FAM227B: variants seen among roughly 807,000 people sequenced by gnomAD.
The protein encoded by FAM227B is family with sequence similarity 227 member B, also known as protein FAM227B.
In FAM227B, 88 loss-of-function variants were observed where a neutral mutation model predicts 73.8. The ratio of observed to expected loss-of-function variants is 1.19; its 90% confidence interval spans 1.00 to 1.42. The LOEUF (loss-of-function observed/expected upper bound fraction) is 1.42. FAM227B is among the 40% of genes most tolerant of loss of function. FAM227B has a pLI of 0.00. For synonymous variants in FAM227B, 210 were observed against 190.5 expected, an observed-to-expected ratio of 1.10 and a Z score of -0.84; for missense variants, 632 against 590.9, an observed-to-expected ratio of 1.07 and a Z score of -0.72.
chr15:49,386,855 A>G (rs1399943247), intron 11 of FAM227B, among the ~76,000 whole-genome samples: 3 of 151,930 alleles, frequency 2.0e-5, no homozygotes, highest in Non-Finnish European at 4.4e-5. Context: ...CAATCATTCA[A>G]GACTATTATG....
At chr15:49,365,770 AC>A in intron 13 of FAM227B, 1 of 854,814 alleles carries the variant, frequency 1.2e-6, no homozygotes, top group Non-Finnish European at 2.0e-6. Flanking sequence ...ATTTTGAAAC[AC>A]AGCCCAAACA....
intron 9 of FAM227B, among the ~76,000 whole-genome samples, chr15:49,565,339 G>C (rs1048502948): frequency 7.1e-6 from 1 of 141,628 alleles, no homozygotes; most frequent in African/African-American, 2.7e-5. Flanking sequence ...CCGTGATTGC[G>C]CCACTGAACT....
chr15:49,416,934 G>T (rs964375860), intron 11 of FAM227B, among the ~76,000 whole-genome samples: 1 of 152,112 alleles, frequency 6.6e-6, no homozygotes, highest in Non-Finnish European at 1.5e-5. Context: ...TGGATAGGAA[G>T]AATCAAGATC....
intron 13 of FAM227B, chr15:49,366,740 C>A: frequency 1.1e-6 from 1 of 906,468 alleles, no homozygotes; most frequent in South Asian, 1.5e-5. Flanking sequence ...GTGGGGTAGG[C>A]TGGGAGTCCC....
At chr15:49,342,291 T>C (rs190523823) in intron 13 of FAM227B, among the ~76,000 whole-genome samples, 74 of 152,352 alleles carry the variant, frequency 4.9e-4, no homozygotes, top group Admixed American at 4.4e-3. Context: ...ATACCCTTTG[T>C]CTTTTTTTGA....
At chr15:49,408,866 C>A (rs990038788) in intron 11 of FAM227B, among the ~76,000 whole-genome samples, 1 of 151,972 alleles carries the variant, frequency 6.6e-6, no homozygotes, top group Non-Finnish European at 1.5e-5. Flanking sequence ...GGGGTTATAT[C>A]ACCATGGCAT....
At chr15:49,501,505 G>T (rs2058131668) in intron 11 of FAM227B, among the ~76,000 whole-genome samples, 1 of 152,164 alleles carries the variant, frequency 6.6e-6, no homozygotes, top group African/African-American at 2.4e-5. Flanking sequence ...TAGGCAACAG[G>T]GTATTCAAGA....
chr15:49,331,770 G>GA lies in FAM227B; in HGVS notation c.1419+9dup. 1.3e-6 allele frequency: 2 copies of GA among 1,543,038 alleles called. No individual in the cohort carries two copies. The highest frequency in any genetic ancestry group is 1.8e-6 in the Non-Finnish European group (2 of 1,115,706). The stretch of plus-strand genomic sequence containing the variant: ...GAGAATTCTCAATTATTTTCAGAAA[G>GA]AAAACCTACCAGTTTATGTAGGAAC... On this transcript the variant is annotated intron_variant, in intron 15 of 15. Transcript: ENST00000299338.
intron 10 of FAM227B, among the ~76,000 whole-genome samples, chr15:49,540,230 T>G (rs1239898885): frequency 6.6e-6 from 1 of 152,126 alleles, no homozygotes; most frequent in Non-Finnish European, 1.5e-5. Context: ...CCTCAGGAAC[T>G]GTTGAAGTCC....
intron 11 of FAM227B, among the ~76,000 whole-genome samples, chr15:49,438,318 T>C (rs1395922015): frequency 6.6e-6 from 1 of 151,744 alleles, no homozygotes; most frequent in African/African-American, 2.4e-5. Flanking sequence ...TATTACTTTG[T>C]TAAAAATTTA....
chr15:49,533,449 T>A (rs1010467935), intron 10 of FAM227B, among the ~76,000 whole-genome samples: 2 of 151,972 alleles, frequency 1.3e-5, no homozygotes, highest in Non-Finnish European at 2.9e-5. Context: ...TAGAAATCTA[T>A]CAATTTTTGA....
intron 9 of FAM227B, among the ~76,000 whole-genome samples, chr15:49,560,036 AG>A (rs1369498652): frequency 1.3e-5 from 2 of 152,228 alleles, no homozygotes; most frequent in African/African-American, 4.8e-5. Flanking sequence ...TGACCAAAAA[AG>A]AAACTCAGAA....
intron 11 of FAM227B, among the ~76,000 whole-genome samples, chr15:49,410,228 G>T (rs900295435): frequency 1.3e-5 from 2 of 152,130 alleles, no homozygotes; most frequent in Non-Finnish European, 2.9e-5. Context: ...ACTCAGAGAA[G>T]TTAAATAACT....
At chr15:49,526,436 A>T (rs1305258110) in intron 10 of FAM227B, among the ~76,000 whole-genome samples, 1 of 152,094 alleles carries the variant, frequency 6.6e-6, no homozygotes, top group Admixed American at 6.6e-5. Flanking sequence ...AAATGCCAAC[A>T]TCAAAAATAT....
At chr15:49,537,815 A>G (rs2070489246) in intron 10 of FAM227B, among the ~76,000 whole-genome samples, 1 of 152,210 alleles carries the variant, frequency 6.6e-6, no homozygotes, top group Non-Finnish European at 1.5e-5. Flanking sequence ...CCAGACACAT[A>G]AATAAAAATA....
chr15:49,544,528 G>A (rs1390283699), intron 9 of FAM227B, among the ~76,000 whole-genome samples: 1 of 152,036 alleles, frequency 6.6e-6, no homozygotes, highest in Non-Finnish European at 1.5e-5. Flanking sequence ...GCTCTGGCTA[G>A]GACTGCCAGT....
intron 11 of FAM227B, among the ~76,000 whole-genome samples, chr15:49,478,859 T>C (rs1209359297): frequency 6.6e-6 from 1 of 152,118 alleles, no homozygotes; most frequent in Non-Finnish European, 1.5e-5. Context: ...TTAAAGCACT[T>C]TAAAATCACA....
chr15:49,396,014 C>T lies in FAM227B; in HGVS notation c.1013-24615G>A, dbSNP rs549543218. On this transcript the variant is annotated intron_variant, in intron 11 of 15. Coordinates refer to ENST00000299338, the MANE Select transcript of FAM227B (RefSeq NM_152647.3). ...AGGAGCCAAGATGGCCAAATAGGAA[C>T]AGCTCCGGTCTACAGCTCCCAGCGT... 4 of 455,296 alleles carry T rather than the reference C, an allele frequency of 8.8e-6. No individual in the cohort carries two copies. The East Asian group carries it at 2.1e-4, about 24-fold the overall frequency. The allele number at this position is 455,296 out of a possible 1,614,324, so 28.2% of individuals were successfully genotyped here.
rs117448541 is a variant in FAM227B, at chr15:49,433,025, A to G, written c.1013-61626T>C. ...TACTTTTCGAAAAAGTAGTTGGAGCAAAATTTGTTGCTATTTCAATTATTT... is the reference window on the plus strand; with the variant it reads ...TACTTTTCGAAAAAGTAGTTGGAGCGAAATTTGTTGCTATTTCAATTATTT... On this transcript the variant is annotated intron_variant, in intron 11 of 15. Coordinates refer to ENST00000299338, the MANE Select transcript of FAM227B (RefSeq NM_152647.3). Among the ~76,000 whole-genome samples, 64 of 151,706 alleles carry G rather than the reference A, an allele frequency of 4.2e-4. 3 individuals are homozygous for G. The East Asian group carries it at 0.012, about 28-fold the overall frequency.
Sources: allele counts gnomAD v4.1 joint callset (sites outside exome capture counted in the v4.1 genomes callset), GRCh38; gene constraint gnomAD v4.1.1; transcripts MANE v1.5; gene names NCBI Gene and HGNC (gene_info 2026-07-23, HGNC 2026-07-21).